The following TRIO variants were observed in gnomAD, a reference collection of about 807,000 sequenced individuals.
The protein encoded by TRIO is triple functional domain protein.
In TRIO, 58 loss-of-function variants were observed where a neutral mutation model predicts 351.9. The ratio of observed to expected loss-of-function variants is 0.16; its 90% CI spans 0.13 to 0.21. The LOEUF is 0.21. TRIO is among the 10% of genes least tolerant of loss of function. The pLI, the probability that TRIO is intolerant of heterozygous loss-of-function variation, is 1.00. For synonymous variants in TRIO, 1,758 were observed against 1,595.7 expected (o/e 1.10, Z -2.42); for missense variants, 3,201 against 4,027.8 (o/e 0.79, Z 5.56).
At chr5:14,342,118 G>C (rs1175817374) in intron 11 of TRIO, among the ~76,000 whole-genome samples, 1 of 152,034 alleles carries the variant, frequency 6.6e-6, no homozygotes, top group Non-Finnish European at 1.5e-5. Flanking sequence ...AAAAGAGGGA[G>C]AAAGCCAGAG....
intron 1 of TRIO, among the ~76,000 whole-genome samples, chr5:14,150,066 C>T (rs1290561430): frequency 1.3e-5 from 2 of 152,212 alleles, no homozygotes; most frequent in African/African-American, 2.4e-5. Context: ...TGGTGCTGCT[C>T]CATTACTGGC....
chr5:14,245,414 G>A (rs1233266102), intron 1 of TRIO, among the ~76,000 whole-genome samples: 1 of 152,106 alleles, frequency 6.6e-6, no homozygotes, highest in Non-Finnish European at 1.5e-5. Context: ...CTTATTCAGG[G>A]GAGTGCTTGC....
chr5:14,174,013 G>C (rs1021153966), intron 1 of TRIO, among the ~76,000 whole-genome samples: 1 of 152,224 alleles, frequency 6.6e-6, no homozygotes, highest in Admixed American at 6.5e-5. Context: ...GCTGTTGTAG[G>C]AAAGTAAGAC....
intron 31 of TRIO, among the ~76,000 whole-genome samples, chr5:14,403,546 GGTTGTGAGGGTGCAGGTT>G (rs1251906250): frequency 4.7e-5 from 5 of 106,066 alleles, no homozygotes; most frequent in African/African-American, 8.4e-5. Context: ...TGAGGGTGCA[GGTTGTGAGGGTGCAGGTT>G]GTGGTGGTGA....
In TRIO at chr5:14,151,395, TG is replaced by T. The variant is rs1463599809; in HGVS notation, c.157+7514del. Among the ~76,000 whole-genome samples the T allele has an allele frequency of 4.6e-5, 7 of 151,940 alleles. No homozygotes were observed. The East Asian group carries it at 7.7e-4, about 17-fold the overall frequency. Reference sequence around the variant, plus strand: ...GTGTGTGTGTGTGTGTTTGTGTGTGTGTGTGTGTGTGTGTATGTATGTATGT... The same window carrying T: ...GTGTGTGTGTGTGTGTTTGTGTGTGTTGTGTGTGTGTGTATGTATGTATGT... On this transcript the variant is annotated intron_variant, in intron 1 of 56. Transcript: ENST00000344204.
At chr5:14,379,878 G>A (rs1745913247) in intron 20 of TRIO, among the ~76,000 whole-genome samples, 1 of 152,168 alleles carries the variant, frequency 6.6e-6, no homozygotes, top group Admixed American at 6.5e-5. Context: ...ACAATATGCA[G>A]CACATACCCA....
chr5:14,282,440 T>G (rs1219897322), intron 3 of TRIO, among the ~76,000 whole-genome samples: 1 of 152,240 alleles, frequency 6.6e-6, no homozygotes, highest in East Asian at 1.9e-4. Context: ...TACTATATAG[T>G]GGTAACTTTG....
Position 14,301,361 on chromosome 5 carries a change from G to C in TRIO, c.1369-3100G>C, listed in dbSNP as rs30636. On this transcript the variant is annotated intron_variant, in intron 7 of 56. Transcript: ENST00000344204. ...TGACAGAGCAACATTTCATTCTTTCGCACTCTCCTGCCTTTATCCCCAGTC... is the reference window on the plus strand; with the variant it reads ...TGACAGAGCAACATTTCATTCTTTCCCACTCTCCTGCCTTTATCCCCAGTC... Among the ~76,000 whole-genome samples the C allele has an allele frequency of 8.4e-4, 128 of 151,968 alleles. 1 individual carries two copies. The East Asian group carries it at 0.019, about 22-fold the overall frequency.
chr5:14,488,395 C>T (rs1363312640), intron 48 of TRIO, 135 bp downstream of exon 48: 1 of 1,339,834 alleles, frequency 7.5e-7, no homozygotes, highest in South Asian at 1.5e-5. Context: ...TACCTGGGAC[C>T]AGGCTAACCC....
intron 1 of TRIO, among the ~76,000 whole-genome samples, chr5:14,150,577 A>G (rs1407471670): frequency 6.6e-6 from 1 of 152,130 alleles, no homozygotes; most frequent in Non-Finnish European, 1.5e-5. Flanking sequence ...AAGACAAGAC[A>G]TATCTAGAAA....
rs896455388 is a variant in TRIO at position 14,181,502 on chromosome 5, C to T, written c.157+37620C>T. On this transcript the variant is annotated intron_variant, in intron 1 of 56. Coordinates refer to ENST00000344204, the MANE Select transcript of TRIO (RefSeq NM_007118.4). ...TGCCCAATCTCAGAATCTGTGATGGCCTTTGTGCCAGATTGCAGATGGTCG... is the reference window on the plus strand; with the variant it reads ...TGCCCAATCTCAGAATCTGTGATGGTCTTTGTGCCAGATTGCAGATGGTCG... Among the ~76,000 whole-genome samples, 2 of 152,158 alleles carry T rather than the reference C, an allele frequency of 1.3e-5. 1 individual carries two copies. The highest frequency in any genetic ancestry group is 2.9e-5 in the Non-Finnish European group (2 of 68,036).
intron 1 of TRIO, among the ~76,000 whole-genome samples, chr5:14,201,615 C>T (rs1477062038): frequency 6.6e-6 from 1 of 152,086 alleles, no homozygotes; most frequent in African/African-American, 2.4e-5. Context: ...CTAAGATGAT[C>T]CTGTATCTGG....
chr5:14,382,865 G>T (rs1351222994), intron 21 of TRIO, among the ~76,000 whole-genome samples: 1 of 151,444 alleles, frequency 6.6e-6, no homozygotes, highest in Non-Finnish European at 1.5e-5. Flanking sequence ...CTGTGTGTGT[G>T]TGAGACATGG....
At chr5:14,494,132 C>T (rs1756700779) in intron 49 of TRIO, among the ~76,000 whole-genome samples, 1 of 152,328 alleles carries the variant, frequency 6.6e-6, no homozygotes, top group Non-Finnish European at 1.5e-5. Flanking sequence ...ATTTACCCTT[C>T]TGAAAATCCT....
chr5:14,428,908 A>G (rs1750865543), intron 34 of TRIO, among the ~76,000 whole-genome samples: 1 of 152,194 alleles, frequency 6.6e-6, no homozygotes, highest in African/African-American at 2.4e-5. Context: ...AGGGCCACAC[A>G]GGTACCAGGC....
At chr5:14,401,659 A>G (rs1195079746) in intron 31 of TRIO, among the ~76,000 whole-genome samples, 1 of 152,170 alleles carries the variant, frequency 6.6e-6, no homozygotes, top group Non-Finnish European at 1.5e-5. Context: ...ATATCTTGGA[A>G]TATTTGATTT....
chr5:14,393,263 G>C (rs1747268562), intron 27 of TRIO, among the ~76,000 whole-genome samples: 1 of 151,994 alleles, frequency 6.6e-6, no homozygotes, highest in Non-Finnish European at 1.5e-5. Context: ...GTCTAGGAGA[G>C]GGATAGCATT....
At chr5:14,316,480 T>A (rs372055366) in intron 8 of TRIO, 33 bp from the exon 9 acceptor site, 273 of 1,610,258 alleles carry the variant, frequency 1.7e-4, no homozygotes, top group Non-Finnish European at 2.2e-4. Context: ...AAACCTCAGA[T>A]CGTGAAGAAT....
chr5:14,271,077 C>G (rs968778066), intron 2 of TRIO, among the ~76,000 whole-genome samples, 178 bp downstream of exon 2: 23 of 152,194 alleles, frequency 1.5e-4, no homozygotes, highest in African/African-American at 5.3e-4. Flanking sequence ...GCATTTTCTT[C>G]CAGTTAGGAG....
Sources: gnomAD v4.1 joint callset for allele counts (sites outside exome capture counted in the v4.1 genomes callset) on GRCh38, gnomAD v4.1.1 for gene constraint, MANE v1.5 for transcripts, NCBI Gene and HGNC (gene_info 2026-07-23, HGNC 2026-07-21) for gene names.